Variants in DCDC2C observed in about 807,000 individuals in gnomAD.
DCDC2C encodes doublecortin domain containing 2C.
In DCDC2C, 44 loss-of-function variants were observed where a neutral mutation model predicts 45.0. The ratio of observed to expected loss-of-function variants is 0.98; its 90% CI spans 0.77 to 1.26. The LOEUF (loss-of-function observed/expected upper bound fraction) is 1.26. Ranked by LOEUF, DCDC2C falls within the 50% of genes most tolerant of loss-of-function variation. The probability of loss-of-function intolerance (pLI) is 0.00; values close to 1 mark genes in which losing one functional copy is unlikely to be tolerated. For synonymous variants in DCDC2C, 187 were observed against 178.8 expected (o/e 1.05, Z -0.37); for missense variants, 447 against 468.9 (o/e 0.95, Z 0.43).
intron 10 of DCDC2C, among the ~76,000 whole-genome samples, chr2:3,839,889 A>T (rs1558250503): frequency 6.6e-6 from 1 of 152,210 alleles, no homozygotes; most frequent in African/African-American, 2.4e-5. Flanking sequence ...AATTATGCCG[A>T]TAGAAACTTT....
At chr2:3,838,089 C>T (rs2148242696) in intron 10 of DCDC2C, among the ~76,000 whole-genome samples, 1 of 152,184 alleles carries the variant, frequency 6.6e-6, no homozygotes, top group Middle Eastern at 3.4e-3. Context: ...GGGGTTATGT[C>T]GTGGCACTAA....
Position 3,803,412 on chromosome 2 carries a change from G to C in DCDC2C, c.1065+18312G>C, listed in dbSNP as rs148039205. 7.4e-3 allele frequency among the ~76,000 whole-genome samples: 1,132 copies of C among 152,176 alleles called. 22 individuals are homozygous for C. Among genetic ancestry groups the C allele is most frequent in the African/African-American group, 0.026 (1,071 of 41,516 alleles). ...CACAGACCTTGCGTCCTATCTTCGT[G>C]GGTTCTCCTCCTCACTGCTTCACTT... On this transcript the variant is annotated intron_variant, in intron 10 of 10. Coordinates refer to ENST00000399143, the MANE Select transcript of DCDC2C (RefSeq NM_001287444.2).
chr2:3,728,717 A>C (rs1170970443), intron 3 of DCDC2C, among the ~76,000 whole-genome samples: 7 of 152,216 alleles, frequency 4.6e-5, no homozygotes, highest in Non-Finnish European at 7.3e-5. Context: ...CGCTATAAAA[A>C]CACATAAACA....
At chr2:3,786,750 G>T (rs984127967) in intron 10 of DCDC2C, among the ~76,000 whole-genome samples, 1 of 152,240 alleles carries the variant, frequency 6.6e-6, no homozygotes, top group African/African-American at 2.4e-5. Context: ...AGGCAGCCTT[G>T]TGGCTGGAGG....
At chr2:3,814,836 C>A (rs1395259336) in intron 10 of DCDC2C, among the ~76,000 whole-genome samples, 3 of 152,260 alleles carry the variant, frequency 2.0e-5, no homozygotes, top group African/African-American at 4.8e-5. Context: ...ACTGGCACAG[C>A]CAGTGTGTTG....
At chr2:3,720,874 T>C (rs1474053558) in intron 2 of DCDC2C, among the ~76,000 whole-genome samples, 3 of 152,198 alleles carry the variant, frequency 2.0e-5, no homozygotes, top group Non-Finnish European at 4.4e-5. Context: ...AATTTACCAG[T>C]GGAGCTATCT....
At chr2:3,767,967 A>G in intron 7 of DCDC2C, 87 bp downstream of exon 7, 1 of 1,298,046 alleles carries the variant, frequency 7.7e-7, no homozygotes, top group Non-Finnish European at 1.0e-6. Context: ...GAGAAATCTT[A>G]TACTCCAGAA....
In DCDC2C at chr2:3,752,585, C is replaced by T. The variant is rs1669573453; in HGVS notation, c.546-178C>T. On this transcript the variant is annotated intron_variant, in intron 4 of 10. Transcript: ENST00000399143. ...CTAAAAGTGGAAAGCAAGTCTAATC[C>T]TGGAAGAGCAGTTCCCGTCGGGTTT... 4 of 738,102 alleles carry T rather than the reference C, an allele frequency of 5.4e-6. 1 individual carries two copies. The highest frequency in any genetic ancestry group is 4.0e-5 in the Admixed American group (2 of 49,524). The allele number at this position is 738,102 out of a possible 1,614,324, so 45.7% of individuals were successfully genotyped here. A position where few individuals can be genotyped will look rare whatever the true frequency, so the allele number is the denominator to read the frequency against.
chr2:3,783,203 G>A (rs970829128), intron 9 of DCDC2C, among the ~76,000 whole-genome samples: 1 of 152,198 alleles, frequency 6.6e-6, no homozygotes, highest in Non-Finnish European at 1.5e-5. Flanking sequence ...GGGTAATTTT[G>A]TGTATTCAAT....
chr2:3,745,859 G>A (rs1669345619), intron 4 of DCDC2C, among the ~76,000 whole-genome samples: 2 of 151,260 alleles, frequency 1.3e-5, no homozygotes, highest in Non-Finnish European at 1.5e-5. Flanking sequence ...ACAGGTGTGA[G>A]CCACCACTCA....
At chr2:3,784,811 G>GATCA (rs1253507984) in intron 9 of DCDC2C, among the ~76,000 whole-genome samples, 1 of 152,090 alleles carries the variant, frequency 6.6e-6, no homozygotes, top group Admixed American at 6.6e-5. Flanking sequence ...GCATAAGAAT[G>GATCA]ATCAAAAAGA....
rs76887826 is a variant in DCDC2C, at chr2:3,721,665, C to T, written c.340-5338C>T. 2.7e-3 allele frequency among the ~76,000 whole-genome samples: 404 copies of T among 152,270 alleles called. 2 individuals are homozygous for T. Among genetic ancestry groups the T allele is most frequent in the Non-Finnish European group, 4.4e-3 (300 of 68,016 alleles). ...GTTCCCATGTGCCGTGGGAAGAACT[C>T]CCACAATTGAATTGTAACTCTTAAA... On this transcript the variant is annotated intron_variant, in intron 2 of 10. Transcript: ENST00000399143.
At chr2:3,845,891 C>T (rs1275081461) in intron 10 of DCDC2C, among the ~76,000 whole-genome samples, 1 of 152,190 alleles carries the variant, frequency 6.6e-6, no homozygotes, top group African/African-American at 2.4e-5. Context: ...TTTCCTTTTC[C>T]TCCCTGAACA....
intron 10 of DCDC2C, among the ~76,000 whole-genome samples, chr2:3,792,370 G>C (rs1360404941): frequency 6.6e-6 from 1 of 152,184 alleles, no homozygotes; most frequent in East Asian, 1.9e-4. Context: ...TCCTACTTCT[G>C]TTGGCCTCAG....
At chr2:3,788,940 A>G (rs1670733447) in intron 10 of DCDC2C, among the ~76,000 whole-genome samples, 1 of 150,256 alleles carries the variant, frequency 6.7e-6, no homozygotes, top group Admixed American at 6.7e-5. Context: ...TCCCACGTTC[A>G]AAAGATCTCA....
At chr2:3,790,032 G>A (rs1670763086) in intron 10 of DCDC2C, among the ~76,000 whole-genome samples, 1 of 152,216 alleles carries the variant, frequency 6.6e-6, no homozygotes, top group Admixed American at 6.5e-5. Context: ...CTTTATGACT[G>A]TACCTCAAAT....
intron 4 of DCDC2C, among the ~76,000 whole-genome samples, chr2:3,751,516 CA>C (rs1669541966): frequency 1.3e-5 from 2 of 152,226 alleles, no homozygotes; most frequent in African/African-American, 4.8e-5. Context: ...GGAGAAGCAG[CA>C]GCTTGTCAGC....
At chr2:3,773,145 C>A (rs571651804) in intron 8 of DCDC2C, among the ~76,000 whole-genome samples, 1 of 152,226 alleles carries the variant, frequency 6.6e-6, no homozygotes, top group East Asian at 1.9e-4. Context: ...GCAAGAGGGA[C>A]AGGGTTTCGG....
chr2:3,748,078 G>A (rs1214501999), intron 4 of DCDC2C, among the ~76,000 whole-genome samples: 1 of 152,176 alleles, frequency 6.6e-6, no homozygotes, highest in East Asian at 1.9e-4. Flanking sequence ...GAAGTGCCTG[G>A]TGAGGGAGGG....
Sources: allele counts gnomAD v4.1 joint callset (sites outside exome capture counted in the v4.1 genomes callset), GRCh38; gene constraint gnomAD v4.1.1; transcripts MANE v1.5; gene names NCBI Gene and HGNC (gene_info 2026-07-23, HGNC 2026-07-21).